ZNF333: variants seen among roughly 807,000 people sequenced by gnomAD.
The protein encoded by ZNF333 is zinc finger protein 333.
ZNF333 carries 61 observed loss-of-function variants against 76.1 expected under a neutral mutation model. That is an observed-to-expected ratio of 0.80 (90% CI 0.65 to 0.99). ZNF333 has a LOEUF of 0.99. Ranked by LOEUF, ZNF333 falls within the 50% of genes least tolerant of loss-of-function variation. The probability of loss-of-function intolerance (pLI) is 0.00; values close to 1 mark genes in which losing one functional copy is unlikely to be tolerated. For missense variants in ZNF333, 717 were observed against 822.4 expected (o/e 0.87, Z 1.57); for synonymous variants, 284 against 305.0 (o/e 0.93, Z 0.72).
At chr19:14,700,309 G>A (rs1438687989) in intron 5 of ZNF333, 1 of 152,092 alleles carries the variant, frequency 6.6e-6, no homozygotes, top group Admixed American at 6.6e-5. Context: ...GTGTGAGCCA[G>A]TGGGCCCAGC....
In ZNF333 at chr19:14,693,513, C is replaced by A; in HGVS notation, c.3+19C>A. On this transcript the variant is annotated intron_variant, in intron 2 of 11. Transcript: ENST00000292530. ...TGTCATGGTGAGGAAACTGGGGGCT[C>A]CTGTGGCTGAAGGGGTGGATATGTA... 1 of 1,599,664 alleles carries A rather than the reference C, an allele frequency of 6.3e-7. No homozygotes were observed. Among genetic ancestry groups the A allele is most frequent in the Non-Finnish European group, 8.5e-7 (1 of 1,169,752 alleles).
At chr19:14,699,887 C>T (rs562093941) in intron 5 of ZNF333, among the ~76,000 whole-genome samples, 6 of 152,232 alleles carry the variant, frequency 3.9e-5, no homozygotes, top group African/African-American at 2.4e-5. Flanking sequence ...GCAACACACT[C>T]GACGAACTCC....
intron 7 of ZNF333, chr19:14,708,271 G>T: frequency 2.5e-6 from 1 of 399,912 alleles, no homozygotes; most frequent in Non-Finnish European, 4.4e-6. Context: ...GCCTCCCAAA[G>T]TGCTGGGACC....
intron 11 of ZNF333, among the ~76,000 whole-genome samples, chr19:14,727,291 A>G (rs538522341): frequency 1.2e-4 from 18 of 152,138 alleles, no homozygotes; most frequent in East Asian, 3.9e-4. Flanking sequence ...GCCTCCCAAA[A>G]TGCTGGGATT....
chr19:14,705,867 G>A (rs1319087724), intron 6 of ZNF333, among the ~76,000 whole-genome samples: 2 of 152,120 alleles, frequency 1.3e-5, no homozygotes, highest in Non-Finnish European at 2.9e-5. Flanking sequence ...CCCCTACCCT[G>A]CTTTGTGGAA....
intron 7 of ZNF333, among the ~76,000 whole-genome samples, chr19:14,711,840 G>T (rs1232909272): frequency 6.6e-6 from 1 of 152,046 alleles, no homozygotes; most frequent in Non-Finnish European, 1.5e-5. Flanking sequence ...TGACAGAAAA[G>T]AAACACTCAT....
chr19:14,717,807 C>G (rs1469959804), intron 11 of ZNF333, 74 bp downstream of exon 11: 1 of 1,471,228 alleles, frequency 6.8e-7, no homozygotes, highest in African/African-American at 1.4e-5. Flanking sequence ...GTTAGAAAAG[C>G]AGCCCAAGAG....
chr19:14,712,774 A>G (rs919938289), intron 7 of ZNF333, among the ~76,000 whole-genome samples: 18 of 151,952 alleles, frequency 1.2e-4, no homozygotes, highest in Non-Finnish European at 2.4e-4. Context: ...GAACCATCAT[A>G]TTGGATTAAG....
intron 7 of ZNF333, chr19:14,708,196 CG>C: frequency 2.6e-6 from 1 of 391,112 alleles, no homozygotes. Context: ...TTAGTAAAGA[CG>C]GGGTTTCACC....
At position 14,720,389 on chromosome 19, in the gene ZNF333, C is replaced by T. The variant is rs1037678067; in HGVS notation, c.*1064C>T. On this transcript the variant is annotated 3_prime_UTR_variant, in exon 12 of 12. Coordinates refer to ENST00000292530, the MANE Select transcript of ZNF333 (RefSeq NM_032433.4). ...GGACAAGTAGACATGATTTCTAGAC[C>T]TAGAGGAGCCCTCCTGTGACCATAA... 1 of 985,270 alleles carries T rather than the reference C, an allele frequency of 1.0e-6. No homozygotes were observed. Among genetic ancestry groups the T allele is most frequent in the Non-Finnish European group, 1.2e-6 (1 of 829,940 alleles). 61.0% of individuals were successfully genotyped at this position (985,270 alleles called of 1,614,324 possible).
intron 4 of ZNF333, among the ~76,000 whole-genome samples, chr19:14,697,940 T>C (rs1973340001): frequency 6.6e-6 from 1 of 152,232 alleles, no homozygotes; most frequent in African/African-American, 2.4e-5. Context: ...TAATAACATC[T>C]GCTTTCTGGA....
chr19:14,695,259 C>G, intron 3 of ZNF333, 126 bp downstream of exon 3: 2 of 1,345,888 alleles, frequency 1.5e-6, no homozygotes, highest in Non-Finnish European at 2.0e-6. Flanking sequence ...GATGACAAAG[C>G]TTCATCTGTT....
intron 4 of ZNF333, among the ~76,000 whole-genome samples, chr19:14,697,352 CTTTTCTTTTTTTT>C (rs1973281357): frequency 8.7e-6 from 1 of 115,234 alleles, no homozygotes; most frequent in African/African-American, 3.5e-5. Context: ...TTTCTTTTTT[CTTTTCTTTTTTTT>C]TTTTTTTTTT....
At chr19:14,692,215 A>G (rs1194030476) in intron 1 of ZNF333, among the ~76,000 whole-genome samples, 1 of 152,244 alleles carries the variant, frequency 6.6e-6, no homozygotes, top group Admixed American at 6.5e-5. Flanking sequence ...AGAACGTGGA[A>G]CAGGAGAACT....
chr19:14,698,393 A>T (rs1212599153), intron 4 of ZNF333, among the ~76,000 whole-genome samples: 1 of 150,866 alleles, frequency 6.6e-6, no homozygotes, highest in Non-Finnish European at 1.5e-5. Context: ...AAAAAAAAAA[A>T]AATTAGCTGG....
intron 1 of ZNF333, 38 bp downstream of exon 1, chr19:14,690,188 G>T (rs1028892934): frequency 6.7e-6 from 1 of 148,326 alleles, no homozygotes; most frequent in Non-Finnish European, 1.5e-5. Context: ...GGAGGGCGGG[G>T]AGGGCTCGGC....
At chr19:14,706,005 C>T (rs190953548) in intron 6 of ZNF333, 24 of 435,006 alleles carry the variant, frequency 5.5e-5, no homozygotes, top group African/African-American at 1.0e-4. Context: ...TTCCCTCCCC[C>T]GAGGGACCTG....
At chr19:14,723,554 G>A (rs981079374), downstream of ZNF333, among the ~76,000 whole-genome samples, 4 of 152,134 alleles carry the variant, frequency 2.6e-5, no homozygotes, top group African/African-American at 9.7e-5. Flanking sequence ...CAGTGTACAG[G>A]TTCTTCATCT....
At chr19:14,689,900 G>C (rs1972611542), upstream of ZNF333, 1 of 152,240 alleles carries the variant, frequency 6.6e-6, no homozygotes, top group Non-Finnish European at 1.5e-5. Context: ...CCCCACTCCA[G>C]AGCCTAACCT....
Sources: allele counts gnomAD v4.1 joint callset (sites outside exome capture counted in the v4.1 genomes callset), GRCh38; gene constraint gnomAD v4.1.1; transcripts MANE v1.5; gene names NCBI Gene and HGNC (gene_info 2026-07-23, HGNC 2026-07-21).